Variants in PITPNC1 observed in about 807,000 individuals in gnomAD.
The protein encoded by PITPNC1 is phosphatidylinositol transfer protein cytoplasmic 1.
PITPNC1 carries 18 observed loss-of-function variants against 44.7 expected under a neutral mutation model. The ratio of observed to expected loss-of-function variants is 0.40; its 90% CI spans 0.28 to 0.60. The LOEUF is 0.60. Among genes scored for constraint, PITPNC1 ranks in the 20% least tolerant of loss-of-function variants. The pLI is 0.39. For synonymous variants in PITPNC1, 141 were observed against 149.6 expected, an observed-to-expected ratio of 0.94 and a Z score of 0.42; for missense variants, 290 against 418.4, an observed-to-expected ratio of 0.69 and a Z score of 2.68.
At position 67,661,994 on chromosome 17, in the gene PITPNC1, C is replaced by CATAATAATAATAATAATAATA. The variant is rs59557224; in HGVS notation, c.463-7496_463-7495insATAATAATAATAATAATAATA. On this transcript the variant is annotated intron_variant, in intron 6 of 8. Transcript: ENST00000581322. ...TAGGCAACAAAGTGCGACTCCATCT[C>CATAATAATAATAATAATAATA]ATAATAATAATAATAATAGTAATAT... Among the ~76,000 whole-genome samples, 369 of 150,946 alleles carry CATAATAATAATAATAATAATA rather than the reference C, an allele frequency of 2.4e-3. 1 individual carries two copies. Among genetic ancestry groups the CATAATAATAATAATAATAATA allele is most frequent in the African/African-American group, 8.5e-3 (347 of 40,846 alleles).
intron 1 of PITPNC1, among the ~76,000 whole-genome samples, chr17:67,511,530 A>C (rs2040184482): frequency 6.6e-6 from 1 of 151,976 alleles, no homozygotes; most frequent in Non-Finnish European, 1.5e-5. Flanking sequence ...TCTTTTTGAG[A>C]CAGAGTCTTA....
At chr17:67,482,393 T>C (rs771119386) in intron 1 of PITPNC1, among the ~76,000 whole-genome samples, 2 of 152,226 alleles carry the variant, frequency 1.3e-5, no homozygotes, top group Non-Finnish European at 2.9e-5. Flanking sequence ...CTGTCTTTAA[T>C]AGATTAATGG....
intron 1 of PITPNC1, among the ~76,000 whole-genome samples, chr17:67,429,893 T>C (rs1021701406): frequency 1.3e-5 from 2 of 152,196 alleles, no homozygotes; most frequent in African/African-American, 4.8e-5. Context: ...GATGAATAAA[T>C]TTAGCTTTCT....
At chr17:67,498,388 G>A (rs1257616491) in intron 1 of PITPNC1, among the ~76,000 whole-genome samples, 1 of 152,194 alleles carries the variant, frequency 6.6e-6, no homozygotes, top group Non-Finnish European at 1.5e-5. Flanking sequence ...GCAGTCAGGA[G>A]TTCAAGAAAA....
chr17:67,615,631 C>T (rs1218144047), intron 5 of PITPNC1, among the ~76,000 whole-genome samples: 1 of 152,092 alleles, frequency 6.6e-6, no homozygotes, highest in Non-Finnish European at 1.5e-5. Context: ...TGGCACACAC[C>T]GAACACCGAG....
chr17:67,555,705 G>A (rs148836635), intron 4 of PITPNC1, among the ~76,000 whole-genome samples: 2,321 of 151,254 alleles, frequency 0.015, 60 homozygotes, highest in African/African-American at 0.054. Context: ...GTAGTTGGGT[G>A]TGGTGGCGGG....
intron 6 of PITPNC1, among the ~76,000 whole-genome samples, chr17:67,653,374 T>A (rs1046977401): frequency 6.6e-6 from 1 of 152,194 alleles, no homozygotes; most frequent in Non-Finnish European, 1.5e-5. Context: ...ACTCCAGTGA[T>A]GCTTCTACAT....
At chr17:67,490,548 G>C (rs2039850975) in intron 1 of PITPNC1, among the ~76,000 whole-genome samples, 1 of 152,108 alleles carries the variant, frequency 6.6e-6, no homozygotes, top group African/African-American at 2.4e-5. Flanking sequence ...AACCCATCCT[G>C]TTCTAACAAT....
intron 1 of PITPNC1, among the ~76,000 whole-genome samples, chr17:67,493,908 T>G (rs1437401406): frequency 6.6e-6 from 1 of 152,236 alleles, no homozygotes; most frequent in Non-Finnish European, 1.5e-5. Flanking sequence ...TATATTTGCA[T>G]ATATACATTT....
intron 1 of PITPNC1, among the ~76,000 whole-genome samples, chr17:67,470,272 T>G (rs1456608105): frequency 6.6e-6 from 1 of 152,178 alleles, no homozygotes; most frequent in Non-Finnish European, 1.5e-5. Flanking sequence ...AGTGTACAGC[T>G]TGATGAGTTT....
Position 67,509,559 on chromosome 17 carries a change from A to AAAATAAAT in PITPNC1, c.49-23207_49-23200dup, listed in dbSNP as rs569903843. On this transcript the variant is annotated intron_variant, in intron 1 of 8. Coordinates refer to ENST00000581322, the MANE Select transcript of PITPNC1 (RefSeq NM_012417.4). Reference sequence around the variant, plus strand: ...CTCTAAATTAAATTAAATTGAATTAAAAATAAATAAATAAATAAATAAATA... The same window carrying AAAATAAAT: ...CTCTAAATTAAATTAAATTGAATTAAAAATAAATAAATAAATAAATAAATAAATAAATA... Among the ~76,000 whole-genome samples the AAAATAAAT allele has an allele frequency of 5.2e-3, 755 of 146,304 alleles. 3 individuals are homozygous for AAAATAAAT. Among genetic ancestry groups the AAAATAAAT allele is most frequent in the South Asian group, 8.6e-3 (40 of 4,632 alleles).
At chr17:67,411,034 A>G (rs2038488326) in intron 1 of PITPNC1, among the ~76,000 whole-genome samples, 1 of 149,924 alleles carries the variant, frequency 6.7e-6, no homozygotes, top group Non-Finnish European at 1.5e-5. Flanking sequence ...GTGAGCCGAG[A>G]TTGCGCCACT....
intron 5 of PITPNC1, among the ~76,000 whole-genome samples, chr17:67,624,915 TCTTAATA>T (rs1460739632): frequency 6.6e-6 from 1 of 152,228 alleles, no homozygotes; most frequent in Non-Finnish European, 1.5e-5. Flanking sequence ...TACTTATTAT[TCTTAATA>T]CTTTACAAAA....
At position 67,675,511 on chromosome 17, in the gene PITPNC1, A is replaced by G. The variant is rs1459633783; in HGVS notation, c.651A>G (p.Arg217=). 1.2e-6 allele frequency: 2 copies of G among 1,611,484 alleles called. No individual in the cohort carries two copies. Among genetic ancestry groups the G allele is most frequent in the Non-Finnish European group, 1.7e-6 (2 of 1,177,762 alleles). The change falls in exon 8 of 9, where the codon AGA becomes AGG. Residue 217 remains arginine (R), a synonymous_variant. Transcript: ENST00000581322. ...VVRDILLIGH[R]QAFAWVDEWY... is the part of the protein sequence containing the mutation. ...GAGACATTCTGCTGATTGGACATAG[A>G]CAGGCTTTTGCATGGGTTGATGAGT...
chr17:67,589,443 A>G (rs2041362123), intron 5 of PITPNC1, among the ~76,000 whole-genome samples: 1 of 152,210 alleles, frequency 6.6e-6, no homozygotes, highest in South Asian at 2.1e-4. Context: ...ATGTGCTAGT[A>G]TCAAGGGTGA....
chr17:67,501,775 G>C lies in PITPNC1; in HGVS notation c.49-31027G>C, dbSNP rs180722870. Among the ~76,000 whole-genome samples, 383 of 152,194 alleles carry C rather than the reference G, an allele frequency of 2.5e-3. 2 individuals carry two copies. The highest frequency in any genetic ancestry group is 4.1e-3 in the Non-Finnish European group (276 of 68,000). ...TCGAACGTGGGAGGTGGAGGTTGCA[G>C]TGAGCCAAGACTGTGCCATTGCACT... On this transcript the variant is annotated intron_variant, in intron 1 of 8. Coordinates refer to ENST00000581322, the MANE Select transcript of PITPNC1 (RefSeq NM_012417.4).
At chr17:67,568,972 C>T (rs1040436714) in intron 4 of PITPNC1, among the ~76,000 whole-genome samples, 4 of 152,074 alleles carry the variant, frequency 2.6e-5, no homozygotes, top group Non-Finnish European at 5.9e-5. Flanking sequence ...TCAAAGTGAG[C>T]GGTGTACATT....
At chr17:67,540,701 A>G (rs990987659) in intron 2 of PITPNC1, among the ~76,000 whole-genome samples, 13 of 152,208 alleles carry the variant, frequency 8.5e-5, no homozygotes, top group African/African-American at 3.1e-4. Context: ...AACTGGATGG[A>G]TTAGTGACTG....
rs570622646 is a variant in PITPNC1, at chr17:67,466,218, G to A, written c.49-66584G>A. ...GGGGTGGGGGGGTGGGGGGGGGCGC[G>A]TCTCACGATGTTGTCCAGTCTGGTC... On this transcript the variant is annotated intron_variant, in intron 1 of 8. Transcript: ENST00000581322. Among the ~76,000 whole-genome samples the A allele has an allele frequency of 6.6e-3, 989 of 150,284 alleles. 9 individuals carry two copies. Among genetic ancestry groups the A allele is most frequent in the Middle Eastern group, 0.027 (8 of 294 alleles).
Sources: allele counts gnomAD v4.1 joint callset (sites outside exome capture counted in the v4.1 genomes callset), GRCh38; gene constraint gnomAD v4.1.1; transcripts MANE v1.5; gene names NCBI Gene and HGNC (gene_info 2026-07-23, HGNC 2026-07-21).